Variants in UNC79 observed in about 807,000 individuals in gnomAD.
The protein encoded by UNC79 is protein unc-79 homolog.
UNC79 carries 37 observed loss-of-function variants against 283.1 expected under a neutral mutation model. That is an observed-to-expected ratio of 0.13 (90% CI 0.10 to 0.17). The LOEUF (loss-of-function observed/expected upper bound fraction) is 0.17. Ranked by LOEUF, UNC79 falls within the 10% of genes least tolerant of loss-of-function variation. The pLI is 1.00. For synonymous variants in UNC79, 1,107 were observed against 1,200.2 expected, an observed-to-expected ratio of 0.92 and a Z score of 1.61; for missense variants, 2,272 against 3,211.1, an observed-to-expected ratio of 0.71 and a Z score of 7.07.
At chr14:93,357,924 T>TGGATATATGG (rs2054144476) in intron 1 of UNC79, among the ~76,000 whole-genome samples, 1 of 21,368 alleles carries the variant, frequency 4.7e-5, no homozygotes, top group Non-Finnish European at 1.0e-4. Context: ...TCCATATATA[T>TGGATATATGG]AGATATATAT....
rs1318296898 is a variant in UNC79, at chr14:93,621,872, C to A, written c.4639C>A (p.Arg1547Ser). Residue 1547 changes from arginine to serine, a missense_variant, in exon 30 of 49, where the codon CGT (arginine) becomes AGT (serine). Transcript: ENST00000555664. The surrounding 1 kb of genome is among the most constrained non-coding windows in gnomAD (Gnocchi z 4.8). ...CGCACAAAGACCAAACGACCCTGGA[C>A]GTTCTAGACAGAACTCTGCTACGAG... 1.2e-6 allele frequency: 2 copies of A among 1,614,074 alleles called. No individual in the cohort carries two copies. The highest frequency in any genetic ancestry group is 1.7e-6 in the Non-Finnish European group (2 of 1,180,012).
intron 42 of UNC79, among the ~76,000 whole-genome samples, chr14:93,683,249 C>G (rs1394914845): frequency 6.6e-6 from 1 of 151,978 alleles, no homozygotes. Context: ...AAATGGGTAT[C>G]CTGATTAGTA....
At chr14:93,430,244 A>G (rs914374199), upstream of UNC79, 1 of 152,832 alleles carries the variant, frequency 6.5e-6, no homozygotes, top group African/African-American at 2.4e-5. This position sits in a 1 kb window ranked among gnomAD's most constrained non-coding sequence, Gnocchi z 4.6. Context: ...TTCAGCCCCA[A>G]CTTCTAAAGT....
intron 23 of UNC79, among the ~76,000 whole-genome samples, chr14:93,595,932 AATAT>A (rs199543944): frequency 6.6e-6 from 1 of 152,022 alleles, no homozygotes; most frequent in African/African-American, 2.4e-5. Flanking sequence ...ATGTGTGCTT[AATAT>A]ATATATATTT....
intron 32 of UNC79, among the ~76,000 whole-genome samples, chr14:93,640,231 A>G (rs1387627498): frequency 6.6e-6 from 1 of 152,136 alleles, no homozygotes. Flanking sequence ...AAGACATCAA[A>G]CCCCAAAGTT....
intron 47 of UNC79, among the ~76,000 whole-genome samples, chr14:93,697,231 G>A (rs963085988): frequency 1.3e-5 from 2 of 152,014 alleles, no homozygotes; most frequent in African/African-American, 4.8e-5. Flanking sequence ...CATCTCCCAG[G>A]TCCAAGTGAT....
rs2057281750 is a variant in UNC79 at position 93,467,664 on chromosome 14, T to TTTTTTTTTTTTTTTTTTTTTTTTC, written c.23-7_23-6insTTTTTTTTTTTTTTTTTTTTTTTC. On this transcript the variant is annotated splice_region_variant and splice_polypyrimidine_tract_variant and intron_variant, in intron 1 of 48. Transcript: ENST00000555664. ...TTTTTTTTTTTTTTTTTTTTGCTTT[T>TTTTTTTTTTTTTTTTTTTTTTTTC]ATCTAGTTGCTTCCAAGATCCGGTA... The TTTTTTTTTTTTTTTTTTTTTTTTC allele has an allele frequency of 8.2e-7, 1 of 1,222,798 alleles. No individual in the cohort carries two copies. Among genetic ancestry groups the TTTTTTTTTTTTTTTTTTTTTTTTC allele is most frequent in the Admixed American group, 4.8e-5 (1 of 20,912 alleles). The allele number at this position is 1,222,798 out of a possible 1,614,324, so 75.7% of individuals were successfully genotyped here.
intron 11 of UNC79, among the ~76,000 whole-genome samples, chr14:93,535,960 A>G (rs1411229944): frequency 6.6e-6 from 1 of 152,160 alleles, no homozygotes; most frequent in African/African-American, 2.4e-5. Flanking sequence ...GATTATTTAC[A>G]TTCTTTCCAC....
chr14:93,507,301 T>C (rs930803381), intron 7 of UNC79, among the ~76,000 whole-genome samples: 7 of 152,232 alleles, frequency 4.6e-5, no homozygotes, highest in African/African-American at 1.7e-4. Flanking sequence ...ATAAGAAGTA[T>C]CTAAACAGTT....
chr14:93,461,696 C>T (rs1001695209), intron 1 of UNC79, among the ~76,000 whole-genome samples: 2 of 152,144 alleles, frequency 1.3e-5, no homozygotes, highest in African/African-American at 2.4e-5. Context: ...TCACTGTTCA[C>T]TTAGAAAAGA....
At chr14:93,372,124 G>C (rs2054464097) in intron 1 of UNC79, among the ~76,000 whole-genome samples, 1 of 152,064 alleles carries the variant, frequency 6.6e-6, no homozygotes, top group Non-Finnish European at 1.5e-5. Flanking sequence ...AAGAAAAAAG[G>C]AACACTAAAG....
chr14:93,656,728 C>T (rs1265655582), intron 38 of UNC79, among the ~76,000 whole-genome samples: 1 of 152,140 alleles, frequency 6.6e-6, no homozygotes, highest in African/African-American at 2.4e-5. Flanking sequence ...GTCCCAGCTA[C>T]TTGGGAGGCT....
chr14:93,360,301 AG>A (rs1366363606), intron 1 of UNC79, among the ~76,000 whole-genome samples: 1 of 152,168 alleles, frequency 6.6e-6, no homozygotes, highest in Admixed American at 6.5e-5. Flanking sequence ...GCATCCCTGG[AG>A]GGATTGTGGA....
chr14:93,572,300 A>G (rs2063249388), intron 15 of UNC79, among the ~76,000 whole-genome samples: 1 of 152,244 alleles, frequency 6.6e-6, no homozygotes, highest in Non-Finnish European at 1.5e-5. Context: ...GTTCTTGTGG[A>G]ATAGTAAATA....
At chr14:93,344,201 A>G (rs1215949044) in intron 1 of UNC79, among the ~76,000 whole-genome samples, 1 of 152,200 alleles carries the variant, frequency 6.6e-6, no homozygotes, top group Non-Finnish European at 1.5e-5. Flanking sequence ...AAGCTTGCCT[A>G]TTATTGGGCT....
At chr14:93,562,451 G>C (rs2062620359) in intron 14 of UNC79, among the ~76,000 whole-genome samples, 1 of 152,120 alleles carries the variant, frequency 6.6e-6, no homozygotes, top group Non-Finnish European at 1.5e-5. Flanking sequence ...AAGTTCAAAT[G>C]GGCTGTACCC....
chr14:93,622,056 T>C lies in UNC79; in HGVS notation c.4823T>C (p.Ile1608Thr), dbSNP rs1482107614. Residue 1608 changes from isoleucine (I) to threonine (T), a missense_variant, in exon 30 of 49, where the codon ATA (isoleucine) becomes ACA (threonine). By Grantham distance (89) the Ile-to-Thr change is moderately conservative (BLOSUM62 -1). This residue lies in a region of UNC79 where 580 missense variants were observed against 632.2 expected (regional missense o/e 0.92). Transcript: ENST00000555664. ...GCTCCTAAAGAGGATTTAGATCTGATAGATCTATCCTCAGATTCAACCTCG... is the reference window on the plus strand; with the variant it reads ...GCTCCTAAAGAGGATTTAGATCTGACAGATCTATCCTCAGATTCAACCTCG... 3.7e-5 allele frequency: 60 copies of C among 1,614,014 alleles called. No individual in the cohort carries two copies. Among genetic ancestry groups the C allele is most frequent in the Non-Finnish European group, 4.8e-5 (57 of 1,180,010 alleles).
chr14:93,467,601 T>C (rs1566958878), intron 1 of UNC79, 70 bp from the exon 2 acceptor site: 1 of 1,273,432 alleles, frequency 7.9e-7, no homozygotes, highest in Non-Finnish European at 9.9e-7. Context: ...TATTACAAGA[T>C]GATTCTTCTC....
At chr14:93,484,434 T>G (rs2058307726) in intron 4 of UNC79, among the ~76,000 whole-genome samples, 1 of 152,224 alleles carries the variant, frequency 6.6e-6, no homozygotes, top group Non-Finnish European at 1.5e-5. Context: ...AACTCCTCTT[T>G]TGGATGATAG....
Sources: allele counts gnomAD v4.1 joint callset (sites outside exome capture counted in the v4.1 genomes callset), GRCh38; gene constraint gnomAD v4.1.1; regional missense constraint gnomAD v4.1.1; non-coding constraint Gnocchi (gnomAD v3.1); transcripts MANE v1.5; gene names NCBI Gene and HGNC (gene_info 2026-07-23, HGNC 2026-07-21).